Variants in SLC71A2 observed in about 807,000 individuals in gnomAD.
The protein encoded by SLC71A2 is hippocampus abundant transcript-like 1.
chr9:94,382,288 A>G, the SLC71A2 span, among the ~76,000 whole-genome samples: 1 of 152,026 alleles, frequency 6.6e-6, no homozygotes, highest in Non-Finnish European at 1.5e-5. Context: ...CAGCCTCGCA[A>G]AGTGCTGGGA....
the SLC71A2 span, chr9:94,438,503 A>G: frequency 2.1e-4 from 337 of 1,613,240 alleles, 2 homozygotes; most frequent in East Asian, 1.1e-4. Flanking sequence ...CTGCTTCCCA[A>G]TCCCACTGAT....
At chr9:94,401,840 A>G in the SLC71A2 span, among the ~76,000 whole-genome samples, 19 of 152,252 alleles carry the variant, frequency 1.2e-4, no homozygotes, top group African/African-American at 3.4e-4. Flanking sequence ...TAGAGGAACA[A>G]AAGAATGGCT....
chr9:94,395,852 A>G, the SLC71A2 span, among the ~76,000 whole-genome samples: 2 of 152,172 alleles, frequency 1.3e-5, no homozygotes. Context: ...TTAAGCATGC[A>G]GTTAATGAAA....
chr9:94,394,693 A>G, the SLC71A2 span, among the ~76,000 whole-genome samples: 1 of 75,418 alleles, frequency 1.3e-5, no homozygotes, highest in African/African-American at 3.8e-5. Context: ...TTTGCCTCCC[A>G]AAGTGCTGGG....
the SLC71A2 span, among the ~76,000 whole-genome samples, chr9:94,387,250 C>T: frequency 6.6e-6 from 1 of 152,152 alleles, no homozygotes; most frequent in African/African-American, 2.4e-5. Flanking sequence ...TGCCACGTCC[C>T]TTTCTGCACT....
the SLC71A2 span, among the ~76,000 whole-genome samples, chr9:94,419,016 C>T: frequency 6.6e-6 from 1 of 152,122 alleles, no homozygotes; most frequent in African/African-American, 2.4e-5. Flanking sequence ...GTGTTGACTC[C>T]CTTTTTTACC....
chr9:94,399,914 T>TC, the SLC71A2 span, among the ~76,000 whole-genome samples: 2 of 151,880 alleles, frequency 1.3e-5, no homozygotes, highest in African/African-American at 2.4e-5. Context: ...CATGCGATTC[T>TC]CCTGCCTCAG....
chr9:94,416,241 A>G, the SLC71A2 span, among the ~76,000 whole-genome samples: 1 of 152,188 alleles, frequency 6.6e-6, no homozygotes, highest in Non-Finnish European at 1.5e-5. Flanking sequence ...TGGGCCGGGT[A>G]CAGTAGCATA....
At chr9:94,394,049 TAAAA>T in the SLC71A2 span, among the ~76,000 whole-genome samples, 1 of 147,148 alleles carries the variant, frequency 6.8e-6, no homozygotes, top group African/African-American at 2.5e-5. Flanking sequence ...CACAAAAAAA[TAAAA>T]AAAAAATCTT....
chr9:94,431,288 G>T, the SLC71A2 span, among the ~76,000 whole-genome samples: 1 of 151,450 alleles, frequency 6.6e-6, no homozygotes, highest in Non-Finnish European at 1.5e-5. Context: ...ACTCCAGCCT[G>T]GGCGACGGAG....
chr9:94,438,415 T>C, the SLC71A2 span: 4 of 1,614,132 alleles, frequency 2.5e-6, no homozygotes, highest in South Asian at 4.4e-5. Context: ...TGCTCTCTTT[T>C]TTGAGTGCCC....
the SLC71A2 span, among the ~76,000 whole-genome samples, chr9:94,454,950 T>C: frequency 6.6e-6 from 1 of 152,128 alleles, no homozygotes; most frequent in South Asian, 2.1e-4. Flanking sequence ...GTTTTGTTAA[T>C]GTGGCAGGTT....
the SLC71A2 span, among the ~76,000 whole-genome samples, chr9:94,400,527 G>C: frequency 7.1e-6 from 1 of 141,578 alleles, no homozygotes; most frequent in African/African-American, 2.6e-5. Flanking sequence ...AAAAACAACT[G>C]ATAATATTTG....
At chr9:94,439,938 T>G in the SLC71A2 span, among the ~76,000 whole-genome samples, 1 of 152,184 alleles carries the variant, frequency 6.6e-6, no homozygotes, top group Admixed American at 6.5e-5. Context: ...GCTAATTGCT[T>G]TGACTAATGA....
chr9:94,456,355 C>G, the SLC71A2 span: 11 of 1,601,464 alleles, frequency 6.9e-6, no homozygotes, highest in South Asian at 3.3e-5. Context: ...CACTGCCCCC[C>G]ACTTGTTTTT....
At chr9:94,460,605 G>C in the SLC71A2 span, 1 of 142,836 alleles carries the variant, frequency 7.0e-6, no homozygotes, top group Non-Finnish European at 1.5e-5. Flanking sequence ...CCATTAACTA[G>C]GGCCCACCTT....
chr9:94,386,044 A>C, the SLC71A2 span, among the ~76,000 whole-genome samples: 1 of 152,014 alleles, frequency 6.6e-6, no homozygotes, highest in Non-Finnish European at 1.5e-5. Context: ...TGAATCTGTA[A>C]ATCACATTGA....
the SLC71A2 span, among the ~76,000 whole-genome samples, chr9:94,402,046 A>C: frequency 1.3e-5 from 2 of 151,970 alleles, no homozygotes; most frequent in East Asian, 1.9e-4. Flanking sequence ...ACCAGAGATC[A>C]CTCTCATTTC....
chr9:94,391,197 C>CAAAAAAAA, the SLC71A2 span, among the ~76,000 whole-genome samples: 1 of 59,076 alleles, frequency 1.7e-5, no homozygotes, highest in Non-Finnish European at 3.5e-5. Flanking sequence ...ATGTCTCTAC[C>CAAAAAAAA]AAAAAAAAAA....
Sources: allele counts gnomAD v4.1 joint callset (sites outside exome capture counted in the v4.1 genomes callset), GRCh38; gene constraint gnomAD v4.1.1; transcripts MANE v1.5; gene names NCBI Gene and HGNC (gene_info 2026-07-23, HGNC 2026-07-21).